The following FRMD4A variants were observed in gnomAD, a reference collection of about 807,000 sequenced individuals.
FRMD4A encodes the protein FERM domain-containing protein 4A.
FRMD4A carries 29 observed loss-of-function variants against 129.1 expected under a neutral mutation model. That is an observed-to-expected ratio of 0.22 (90% CI 0.17 to 0.31). The LOEUF (loss-of-function observed/expected upper bound fraction) is 0.31. FRMD4A is among the 10% of genes least tolerant of loss of function. FRMD4A has a pLI of 1.00. For synonymous variants in FRMD4A, 634 were observed against 571.6 expected (o/e 1.11, Z -1.56); for missense variants, 1,272 against 1,375.8 (o/e 0.92, Z 1.19).
At chr10:14,231,185 T>C (rs1426829397) in intron 2 of FRMD4A, among the ~76,000 whole-genome samples, 1 of 152,204 alleles carries the variant, frequency 6.6e-6, no homozygotes, top group Non-Finnish European at 1.5e-5. Context: ...TTAAGTTCTT[T>C]GAGAAATCGC....
At chr10:13,863,212 T>C (rs1344296756) in intron 2 of FRMD4A, among the ~76,000 whole-genome samples, 1 of 152,232 alleles carries the variant, frequency 6.6e-6, no homozygotes, top group Admixed American at 6.5e-5. Context: ...TAAGGTACAC[T>C]CTGACATGAA....
At chr10:13,905,105 T>C (rs893111823) in intron 2 of FRMD4A, among the ~76,000 whole-genome samples, 1 of 151,972 alleles carries the variant, frequency 6.6e-6, no homozygotes, top group Admixed American at 6.6e-5. Flanking sequence ...CTGTGACCAC[T>C]GTTTCTCATA....
At chr10:14,012,524 T>C (rs1167647257) in intron 2 of FRMD4A, among the ~76,000 whole-genome samples, 2 of 152,032 alleles carry the variant, frequency 1.3e-5, no homozygotes, top group East Asian at 1.9e-4. Context: ...GAATGTTCCA[T>C]TGGAGAGAGA....
chr10:14,129,393 TATATATATATATATAA>T (rs1240883219), intron 2 of FRMD4A, among the ~76,000 whole-genome samples: 35 of 130,630 alleles, frequency 2.7e-4, no homozygotes, highest in South Asian at 9.6e-4. Context: ...TATATATATA[TATATATATATATATAA>T]AAAATATGAG....
intron 2 of FRMD4A, among the ~76,000 whole-genome samples, chr10:13,985,477 C>T (rs968857412): frequency 8.5e-5 from 13 of 152,192 alleles, no homozygotes; most frequent in Non-Finnish European, 1.0e-4. Flanking sequence ...AGGTAGTCTT[C>T]AGGGAGTGGG....
intron 2 of FRMD4A, among the ~76,000 whole-genome samples, chr10:14,263,957 A>C (rs1844892544): frequency 6.6e-6 from 1 of 152,166 alleles, no homozygotes; most frequent in Admixed American, 6.5e-5. Flanking sequence ...AAGCAGCCCC[A>C]AGCTCTTCTC....
intron 5 of FRMD4A, among the ~76,000 whole-genome samples, chr10:13,785,541 T>C (rs1284071857): frequency 6.6e-6 from 1 of 152,248 alleles, no homozygotes; most frequent in African/African-American, 2.4e-5. Flanking sequence ...TAGCAAATTT[T>C]ACATCTCAAA....
intron 2 of FRMD4A, among the ~76,000 whole-genome samples, chr10:13,997,622 TTC>T (rs1480152126): frequency 0.016 from 1,504 of 95,742 alleles, 8 homozygotes; most frequent in Middle Eastern, 0.076. Context: ...TTCTTTTCTT[TTC>T]TTTTTTTTTT....
intron 2 of FRMD4A, among the ~76,000 whole-genome samples, chr10:14,143,818 A>G (rs541069922): frequency 1.3e-5 from 2 of 152,246 alleles, no homozygotes; most frequent in African/African-American, 4.8e-5. Context: ...TTCGTTGACC[A>G]GGCTGGTCTT....
At chr10:13,965,396 C>T (rs2095479400) in intron 2 of FRMD4A, among the ~76,000 whole-genome samples, 1 of 152,204 alleles carries the variant, frequency 6.6e-6, no homozygotes, top group East Asian at 1.9e-4. Context: ...AATCCTCAGA[C>T]TGATAAGATA....
intron 2 of FRMD4A, among the ~76,000 whole-genome samples, chr10:14,303,874 GA>G (rs1202483234): frequency 2.6e-5 from 4 of 152,022 alleles, no homozygotes; most frequent in African/African-American, 9.7e-5. Flanking sequence ...CTTATAAGTA[GA>G]ACCATATGCT....
intron 3 of FRMD4A, among the ~76,000 whole-genome samples, chr10:13,841,318 T>C (rs1490596098): frequency 6.6e-6 from 1 of 152,176 alleles, no homozygotes; most frequent in African/African-American, 2.4e-5. Flanking sequence ...CAGGAAACCC[T>C]TGGAATTTCC....
At chr10:13,814,267 A>G (rs11258635) in intron 3 of FRMD4A, among the ~76,000 whole-genome samples, 111,237 of 151,990 alleles carry the variant, frequency 0.73, 41,766 homozygotes, top group Non-Finnish European at 0.83. Context: ...ACTTGAAAAC[A>G]ATAAAAATAA....
chr10:14,273,558 T>C (rs1296318741), intron 2 of FRMD4A, among the ~76,000 whole-genome samples: 1 of 152,200 alleles, frequency 6.6e-6, no homozygotes, highest in Non-Finnish European at 1.5e-5. Flanking sequence ...TCTGCTCATC[T>C]TTTCAGATTG....
chr10:14,299,558 G>A (rs1009620438), intron 2 of FRMD4A, among the ~76,000 whole-genome samples: 9 of 152,162 alleles, frequency 5.9e-5, no homozygotes, highest in Admixed American at 5.9e-4. Context: ...ACAAACGTGG[G>A]AGCCAGAATG....
intron 3 of FRMD4A, among the ~76,000 whole-genome samples, chr10:13,818,872 TC>T (rs2093587097): frequency 6.6e-6 from 1 of 152,216 alleles, no homozygotes; most frequent in South Asian, 2.1e-4. Flanking sequence ...ACGCCTATAA[TC>T]CCAGGACTTT....
chr10:14,027,250 C>G (rs1833025606), intron 2 of FRMD4A, among the ~76,000 whole-genome samples: 1 of 152,236 alleles, frequency 6.6e-6, no homozygotes, highest in Non-Finnish European at 1.5e-5. Context: ...GCTATTGTTT[C>G]CATTTAAAGC....
chr10:14,053,938 T>A (rs1834382617), intron 2 of FRMD4A, among the ~76,000 whole-genome samples: 1 of 152,072 alleles, frequency 6.6e-6, no homozygotes, highest in African/African-American at 2.4e-5. Context: ...GCCCAGGAGC[T>A]CCAGGCTGCA....
chr10:14,009,909 C>T (rs2095675288), intron 2 of FRMD4A, among the ~76,000 whole-genome samples: 2 of 152,176 alleles, frequency 1.3e-5, no homozygotes, highest in Admixed American at 1.3e-4. Context: ...TTGCTTCTTG[C>T]CTGCACTGCC....
Sources: allele counts gnomAD v4.1 joint callset (sites outside exome capture counted in the v4.1 genomes callset), GRCh38; gene constraint gnomAD v4.1.1; transcripts MANE v1.5; gene names NCBI Gene and HGNC (gene_info 2026-07-23, HGNC 2026-07-21).